The following SRFBP1 variants were observed in gnomAD, a reference collection of about 807,000 sequenced individuals.
SRFBP1 encodes the protein serum response factor-binding protein 1.
SRFBP1 carries 47 observed loss-of-function variants against 45.5 expected under a neutral mutation model. The observed-to-expected ratio is 1.03, with a 90% confidence interval of 0.82 to 1.32. SRFBP1 has a LOEUF of 1.32. Ranked by LOEUF, SRFBP1 falls within the 40% of genes most tolerant of loss-of-function variation. The probability of loss-of-function intolerance (pLI) is 0.00; values close to 1 mark genes in which losing one functional copy is unlikely to be tolerated. For synonymous variants in SRFBP1, 203 were observed against 166.3 expected (o/e 1.22, Z -1.70); for missense variants, 621 against 484.6 (o/e 1.28, Z -2.64).
chr5:122,004,759 A>T (rs1252166249), intron 4 of SRFBP1, among the ~76,000 whole-genome samples: 2 of 151,492 alleles, frequency 1.3e-5, no homozygotes, highest in Admixed American at 6.6e-5. Flanking sequence ...TTTATTTGAG[A>T]TCTCTTTTGA....
At chr5:121,968,212 A>G (rs540320990) in intron 1 of SRFBP1, among the ~76,000 whole-genome samples, 3 of 141,022 alleles carry the variant, frequency 2.1e-5, no homozygotes, top group South Asian at 4.6e-4. Context: ...AGATAGTACC[A>G]AACTCTGTCA....
At chr5:122,053,900 T>A (rs1234232495) in intron 2 of SRFBP1, among the ~76,000 whole-genome samples, 1 of 151,896 alleles carries the variant, frequency 6.6e-6, no homozygotes, top group Non-Finnish European at 1.5e-5. Context: ...TCCAGCTGAG[T>A]TCACACAAAA....
rs183063741 is a variant in SRFBP1, at chr5:122,036,249, G to A, written n.311+13842G>A. Among the ~76,000 whole-genome samples the A allele has an allele frequency of 1.6e-3, 246 of 152,172 alleles. 2 individuals carry two copies. Among genetic ancestry groups the A allele is most frequent in the African/African-American group, 5.6e-3 (234 of 41,548 alleles). ...AGCTAGTTTTATCTAAGTGATTTAT[G>A]GTGAGTACTCATCTGTGCTCTGGGA... On this transcript the variant is annotated intron_variant and non_coding_transcript_variant, in intron 2 of 2. Coordinates refer to the SRFBP1 transcript ENST00000504881.
intron 4 of SRFBP1, among the ~76,000 whole-genome samples, chr5:122,004,699 G>T (rs574570958): frequency 6.6e-6 from 1 of 151,858 alleles, no homozygotes; most frequent in African/African-American, 2.4e-5. Context: ...CTCACTTTGG[G>T]TTTAGTTTGT....
intron 3 of SRFBP1, among the ~76,000 whole-genome samples, chr5:121,990,584 A>C (rs1417141288): frequency 6.6e-6 from 1 of 152,154 alleles, no homozygotes; most frequent in East Asian, 1.9e-4. Context: ...AAAGTTGGGA[A>C]AAAAAGGAAA....
intron 2 of SRFBP1, among the ~76,000 whole-genome samples, chr5:122,062,137 G>A (rs1035990353): frequency 1.3e-5 from 2 of 151,890 alleles, no homozygotes; most frequent in Admixed American, 6.6e-5. Flanking sequence ...ATCTCCCAAA[G>A]TATGGGAAAG....
intron 2 of SRFBP1, among the ~76,000 whole-genome samples, chr5:122,050,461 C>A (rs1047034036): frequency 1.3e-5 from 2 of 152,024 alleles, no homozygotes; most frequent in Non-Finnish European, 2.9e-5. Context: ...TCTCCTGATA[C>A]AATTTCAGGA....
chr5:122,006,133 CTT>C (rs1016711049), intron 4 of SRFBP1, among the ~76,000 whole-genome samples: 2 of 152,086 alleles, frequency 1.3e-5, no homozygotes, highest in African/African-American at 2.4e-5. Context: ...TTTTATTTCT[CTT>C]CTTTTCTGAA....
chr5:122,016,143 A>G (rs985466195), intron 4 of SRFBP1, among the ~76,000 whole-genome samples: 1 of 152,178 alleles, frequency 6.6e-6, no homozygotes, highest in Non-Finnish European at 1.5e-5. Flanking sequence ...TCCATCTGCT[A>G]TTGATATGTC....
intron 2 of SRFBP1, among the ~76,000 whole-genome samples, chr5:122,047,914 G>A (rs1427024158): frequency 6.6e-6 from 1 of 152,194 alleles, no homozygotes; most frequent in African/African-American, 2.4e-5. Flanking sequence ...AGACTTTGCT[G>A]AAGTTGCTTA....
At chr5:121,998,272 C>G (rs1182678160) in intron 4 of SRFBP1, among the ~76,000 whole-genome samples, 1 of 151,470 alleles carries the variant, frequency 6.6e-6, no homozygotes, top group Non-Finnish European at 1.5e-5. Flanking sequence ...ACCCAAATGT[C>G]CAACAATGAT....
intron 1 of SRFBP1, among the ~76,000 whole-genome samples, chr5:121,968,000 C>T (rs1036394379): frequency 6.6e-6 from 1 of 152,168 alleles, no homozygotes; most frequent in Non-Finnish European, 1.5e-5. Flanking sequence ...TTTTCTACCT[C>T]AGAGGTAATT....
chr5:122,005,829 A>G (rs1364075645), intron 4 of SRFBP1, among the ~76,000 whole-genome samples: 3 of 152,050 alleles, frequency 2.0e-5, no homozygotes, highest in African/African-American at 7.2e-5. Flanking sequence ...CTCCTCCTGC[A>G]TTTAGGTGTT....
At chr5:122,069,995 T>C in intron 2 of SRFBP1, 1 of 1,214,390 alleles carries the variant, frequency 8.2e-7, no homozygotes, top group Non-Finnish European at 1.2e-6. Flanking sequence ...GTATAATGTT[T>C]GGCATGAACA....
chr5:122,026,119 C>G (rs150534112), intron 7 of SRFBP1, among the ~76,000 whole-genome samples: 186 of 152,274 alleles, frequency 1.2e-3, no homozygotes, highest in Non-Finnish European at 2.1e-3. Context: ...ACAATGATTC[C>G]TAACTTGCAA....
chr5:121,986,451 A>C (rs539354900), intron 3 of SRFBP1, among the ~76,000 whole-genome samples: 46 of 152,186 alleles, frequency 3.0e-4, no homozygotes, highest in Non-Finnish European at 5.7e-4. Context: ...CATATAACCA[A>C]ATTTCCCTGG....
chr5:122,048,044 T>C (rs1753897010), intron 2 of SRFBP1, among the ~76,000 whole-genome samples: 1 of 152,180 alleles, frequency 6.6e-6, no homozygotes, highest in Admixed American at 6.5e-5. Context: ...TATTTCCTTC[T>C]CCTGCCTGAT....
At position 122,001,001 on chromosome 5, in the gene SRFBP1, A is replaced by G. The variant is rs966366459; in HGVS notation, c.270+6331A>G. Among the ~76,000 whole-genome samples the G allele has an allele frequency of 2.6e-5, 4 of 151,962 alleles. No homozygotes were observed. The South Asian group carries it at 8.3e-4, about 32-fold the overall frequency. ...AAAATTTGACATACACTGACTCTGGATGTCATGTTTTTAATCAATAAAATA... is the reference window on the plus strand; with the variant it reads ...AAAATTTGACATACACTGACTCTGGGTGTCATGTTTTTAATCAATAAAATA... On this transcript the variant is annotated intron_variant, in intron 4 of 7. Transcript: ENST00000339397.
intron 3 of SRFBP1, among the ~76,000 whole-genome samples, chr5:121,982,036 A>G (rs1247612044): frequency 6.6e-6 from 1 of 151,862 alleles, no homozygotes; most frequent in Non-Finnish European, 1.5e-5. Context: ...TAAATGGAAT[A>G]CTATGGAACT....
Sources: gnomAD v4.1 joint callset for allele counts (sites outside exome capture counted in the v4.1 genomes callset) on GRCh38, gnomAD v4.1.1 for gene constraint, MANE v1.5 for transcripts, NCBI Gene and HGNC (gene_info 2026-07-23, HGNC 2026-07-21) for gene names.